The following CNTNAP2 variants were observed in gnomAD, a reference collection of about 807,000 sequenced individuals.
The protein encoded by CNTNAP2 is contactin-associated protein-like 2.
A neutral mutation model predicts 155.2 loss-of-function variants in CNTNAP2; 98 were observed. The observed-to-expected ratio is 0.63, with a 90% CI of 0.54 to 0.75. The LOEUF (loss-of-function observed/expected upper bound fraction) is 0.75. CNTNAP2 is among the 30% of genes least tolerant of loss of function. The probability of loss-of-function intolerance (pLI) is 0.00; values close to 1 mark genes in which losing one functional copy is unlikely to be tolerated. For synonymous variants in CNTNAP2, 651 were observed against 631.2 expected, an observed-to-expected ratio of 1.03 and a Z score of -0.47; for missense variants, 1,727 against 1,688.1, an observed-to-expected ratio of 1.02 and a Z score of -0.40.
intron 1 of CNTNAP2, among the ~76,000 whole-genome samples, chr7:146,261,742 A>G (rs1253116108): frequency 6.6e-6 from 1 of 152,106 alleles, no homozygotes; most frequent in Admixed American, 6.6e-5. Flanking sequence ...TTAGCTCAGA[A>G]CTATTCTGCT....
At chr7:147,500,315 A>G (rs1031751783) in intron 11 of CNTNAP2, among the ~76,000 whole-genome samples, 2 of 152,154 alleles carry the variant, frequency 1.3e-5, no homozygotes, top group Non-Finnish European at 2.9e-5. Flanking sequence ...GAATGCAAAA[A>G]CAGACCAGCC....
chr7:147,785,131 A>G (rs1797720802), intron 13 of CNTNAP2, among the ~76,000 whole-genome samples: 1 of 152,300 alleles, frequency 6.6e-6, no homozygotes, highest in Non-Finnish European at 1.5e-5. Flanking sequence ...GGTCTTGATG[A>G]GACATAAATT....
At chr7:146,188,154 A>C (rs1440519509) in intron 1 of CNTNAP2, among the ~76,000 whole-genome samples, 1 of 152,196 alleles carries the variant, frequency 6.6e-6, no homozygotes, top group Non-Finnish European at 1.5e-5. Context: ...AAAACAATCC[A>C]TATTGAAACA....
In CNTNAP2 at chr7:146,618,226, G is replaced by A. The variant is rs376186459; in HGVS notation, c.98-156045G>A. Among the ~76,000 whole-genome samples the A allele has an allele frequency of 4.6e-5, 7 of 152,166 alleles. No homozygotes were observed. In the East Asian group the frequency reaches 9.7e-4, roughly 21 times the overall value. Reference sequence around the variant, plus strand: ...TTTCATAAGCTGCTTGTTGAGAGAAGCTTGAAAAGGATGATATTGTGTGGA... The same window carrying A: ...TTTCATAAGCTGCTTGTTGAGAGAAACTTGAAAAGGATGATATTGTGTGGA... On this transcript the variant is annotated intron_variant, in intron 1 of 23. Coordinates refer to ENST00000361727, the MANE Select transcript of CNTNAP2 (RefSeq NM_014141.6).
intron 18 of CNTNAP2, among the ~76,000 whole-genome samples, chr7:148,191,991 C>T (rs1171802778): frequency 6.6e-6 from 1 of 152,108 alleles, no homozygotes; most frequent in Non-Finnish European, 1.5e-5. Flanking sequence ...TGATCAAGAA[C>T]AATGCAAGCT....
At chr7:146,672,280 A>T (rs1461990719) in intron 1 of CNTNAP2, among the ~76,000 whole-genome samples, 1 of 152,090 alleles carries the variant, frequency 6.6e-6, no homozygotes, top group Non-Finnish European at 1.5e-5. Context: ...TTTTTCTCTT[A>T]TTCTTACACA....
At chr7:146,144,503 A>C (rs890784637) in intron 1 of CNTNAP2, among the ~76,000 whole-genome samples, 1 of 152,122 alleles carries the variant, frequency 6.6e-6, no homozygotes, top group Non-Finnish European at 1.5e-5. Context: ...ACAACAACAA[A>C]AAATTTCATT....
chr7:147,120,346 A>G (rs573349085), intron 5 of CNTNAP2, among the ~76,000 whole-genome samples: 5 of 152,304 alleles, frequency 3.3e-5, no homozygotes, highest in Admixed American at 3.3e-4. Flanking sequence ...CCTATTGTAT[A>G]TATGAGAAAA....
intron 1 of CNTNAP2, among the ~76,000 whole-genome samples, chr7:146,224,574 C>G (rs551193302): frequency 1.7e-5 from 2 of 120,078 alleles, no homozygotes; most frequent in Non-Finnish European, 3.4e-5. Flanking sequence ...GGGGAAACCC[C>G]GTCTCTACAA....
intron 13 of CNTNAP2, among the ~76,000 whole-genome samples, chr7:147,809,483 A>G (rs1051032714): frequency 5.3e-5 from 8 of 152,164 alleles, no homozygotes; most frequent in Non-Finnish European, 1.2e-4. Context: ...GCACAACTGG[A>G]TTGAAACTCA....
chr7:146,984,733 A>AT (rs762779597), intron 3 of CNTNAP2, among the ~76,000 whole-genome samples: 2 of 151,868 alleles, frequency 1.3e-5, no homozygotes, highest in African/African-American at 2.4e-5. Flanking sequence ...TGTCTCTAAT[A>AT]TTTTTTCCCC....
In CNTNAP2 at chr7:146,488,110, C is replaced by A. The variant is rs144503486; in HGVS notation, c.98-286161C>A. Among the ~76,000 whole-genome samples the A allele has an allele frequency of 5.5e-3, 842 of 152,214 alleles. 6 individuals are homozygous for A. The Middle Eastern group carries it at 0.061, about 11-fold the overall frequency. On this transcript the variant is annotated intron_variant, in intron 1 of 23. Transcript: ENST00000361727. ...GTTAATTTTAAACATTTGGATCATA[C>A]CTTGAATTTTTTCCGTCAAATTGTA...
intron 1 of CNTNAP2, among the ~76,000 whole-genome samples, chr7:146,404,335 A>G (rs536697964): frequency 1.5e-4 from 23 of 152,232 alleles, no homozygotes; most frequent in Admixed American, 1.1e-3. Flanking sequence ...GTTACCCTGC[A>G]TGGTTGGGCC....
At chr7:146,907,001 G>A (rs1376019752) in intron 3 of CNTNAP2, among the ~76,000 whole-genome samples, 2 of 149,958 alleles carry the variant, frequency 1.3e-5, no homozygotes, top group Non-Finnish European at 3.0e-5. Context: ...ACTACGTGAA[G>A]AATGCAGAAG....
chr7:147,665,990 T>C (rs974062578), intron 13 of CNTNAP2, among the ~76,000 whole-genome samples: 1 of 152,208 alleles, frequency 6.6e-6, no homozygotes, highest in Non-Finnish European at 1.5e-5. Flanking sequence ...CACTTAATAG[T>C]GTATCTATAT....
chr7:147,467,974 T>A (rs1798149403), intron 10 of CNTNAP2, among the ~76,000 whole-genome samples: 1 of 152,078 alleles, frequency 6.6e-6, no homozygotes, highest in Non-Finnish European at 1.5e-5. Context: ...GAGGTTACAG[T>A]ATGCTATGAT....
At chr7:146,942,545 A>T (rs1252377774) in intron 3 of CNTNAP2, among the ~76,000 whole-genome samples, 1 of 152,158 alleles carries the variant, frequency 6.6e-6, no homozygotes, top group Admixed American at 6.6e-5. Context: ...TTATTATTAA[A>T]AACAAAAAAC....
At chr7:147,762,989 T>C (rs1797329214) in intron 13 of CNTNAP2, among the ~76,000 whole-genome samples, 1 of 152,172 alleles carries the variant, frequency 6.6e-6, no homozygotes, top group African/African-American at 2.4e-5. Flanking sequence ...CTGGGTGCGA[T>C]GGCTCATGCC....
chr7:147,825,374 G>T (rs1798430128), intron 13 of CNTNAP2, among the ~76,000 whole-genome samples: 1 of 152,112 alleles, frequency 6.6e-6, no homozygotes, highest in Non-Finnish European at 1.5e-5. Context: ...GAGTTGATGT[G>T]TTTTATATTA....
Sources: allele counts gnomAD v4.1 joint callset (sites outside exome capture counted in the v4.1 genomes callset), GRCh38; gene constraint gnomAD v4.1.1; transcripts MANE v1.5; gene names NCBI Gene and HGNC (gene_info 2026-07-23, HGNC 2026-07-21).